LRP1B: variants seen among roughly 807,000 people sequenced by gnomAD.
LRP1B encodes the protein LDL receptor related protein 1B.
Under a neutral mutation model 556.6 loss-of-function variants are expected in LRP1B, and 217 were observed. The observed-to-expected ratio is 0.39, with a 90% CI of 0.35 to 0.44. The LOEUF (loss-of-function observed/expected upper bound fraction) is 0.44, where lower values mean the gene tolerates loss of function less well. LRP1B is among the 20% of genes least tolerant of loss of function. LRP1B has a pLI of 1.00. For synonymous variants in LRP1B, 2,047 were observed against 1,865.8 expected (o/e 1.10, Z -2.50); for missense variants, 5,053 against 5,620.8 (o/e 0.90, Z 3.23).
intron 2 of LRP1B, among the ~76,000 whole-genome samples, chr2:141,759,345 A>C (rs932839838): frequency 1.1e-4 from 16 of 152,184 alleles, no homozygotes; most frequent in Admixed American, 1.0e-3. Context: ...CAAAATAACG[A>C]TACAAAGGAA....
At chr2:141,468,298 G>A (rs777461428) in intron 3 of LRP1B, among the ~76,000 whole-genome samples, 4 of 152,194 alleles carry the variant, frequency 2.6e-5, no homozygotes, top group Non-Finnish European at 5.9e-5. Flanking sequence ...AGCATGACTA[G>A]TGCAAACCTC....
intron 17 of LRP1B, among the ~76,000 whole-genome samples, chr2:140,988,517 A>G (rs990821831): frequency 6.6e-6 from 1 of 152,062 alleles, no homozygotes; most frequent in African/African-American, 2.4e-5. Flanking sequence ...TACATAGGGA[A>G]AATCTGGAAA....
At chr2:140,328,568 CACTGTTTTTCAGA>C (rs1335507231) in intron 79 of LRP1B, among the ~76,000 whole-genome samples, 1 of 151,610 alleles carries the variant, frequency 6.6e-6, no homozygotes, top group African/African-American at 2.4e-5. Context: ...AAATTTAAAT[CACTGTTTTTCAGA>C]ACTAGAGAAA....
intron 41 of LRP1B, among the ~76,000 whole-genome samples, chr2:140,621,203 A>C (rs770239119): frequency 2.6e-5 from 4 of 151,504 alleles, no homozygotes; most frequent in Non-Finnish European, 5.9e-5. Context: ...AACACGGTGA[A>C]ACCCCATCTC....
At chr2:141,785,999 A>G (rs1695420862) in intron 2 of LRP1B, among the ~76,000 whole-genome samples, 1 of 151,930 alleles carries the variant, frequency 6.6e-6, no homozygotes, top group Non-Finnish European at 1.5e-5. Flanking sequence ...GTGAGCCACC[A>G]CATTATTGTT....
intron 43 of LRP1B, among the ~76,000 whole-genome samples, chr2:140,560,300 G>A (rs1290839097): frequency 6.6e-6 from 1 of 152,068 alleles, no homozygotes; most frequent in Non-Finnish European, 1.5e-5. Flanking sequence ...GTGTGATCCA[G>A]GATTTGACCC....
chr2:141,420,720 AGTTGTGC>A (rs1680104023), intron 3 of LRP1B, among the ~76,000 whole-genome samples: 2 of 152,246 alleles, frequency 1.3e-5, no homozygotes, highest in East Asian at 3.9e-4. Context: ...AGAATTCTCA[AGTTGTGC>A]TCATTAGCTG....
chr2:140,616,523 AG>A (rs1165872452), intron 41 of LRP1B, among the ~76,000 whole-genome samples: 1 of 151,160 alleles, frequency 6.6e-6, no homozygotes, highest in African/African-American at 2.4e-5. Flanking sequence ...AGTGAAAAAA[AG>A]TCAGTTTCTA....
At chr2:142,030,631 C>T (rs992371295) in intron 1 of LRP1B, among the ~76,000 whole-genome samples, 2 of 151,790 alleles carry the variant, frequency 1.3e-5, no homozygotes, top group African/African-American at 4.8e-5. Context: ...ATATTAAAAC[C>T]AGGGGCCCAG....
intron 41 of LRP1B, among the ~76,000 whole-genome samples, chr2:140,607,021 T>C (rs12476534): frequency 0.12 from 18,718 of 152,052 alleles, 1,210 homozygotes; most frequent in Middle Eastern, 0.17. Flanking sequence ...TGGGAGACAA[T>C]ATTTGCAAAT....
chr2:140,326,392 T>C (rs1680479554), intron 79 of LRP1B, among the ~76,000 whole-genome samples: 1 of 152,098 alleles, frequency 6.6e-6, no homozygotes, highest in Non-Finnish European at 1.5e-5. Context: ...GCCAACGGTG[T>C]TATCGGATAT....
chr2:140,840,440 G>T (rs892229688), intron 30 of LRP1B, among the ~76,000 whole-genome samples: 1 of 152,144 alleles, frequency 6.6e-6, no homozygotes, highest in African/African-American at 2.4e-5. Context: ...GCCATAGAGG[G>T]TAACAAACTC....
chr2:141,143,435 C>A (rs1400747499), intron 7 of LRP1B, among the ~76,000 whole-genome samples: 1 of 152,104 alleles, frequency 6.6e-6, no homozygotes, highest in East Asian at 1.9e-4. Context: ...ACATCATTCT[C>A]TGAAATAATC....
intron 8 of LRP1B, among the ~76,000 whole-genome samples, chr2:141,060,726 C>T (rs539806009): frequency 1.3e-5 from 2 of 151,882 alleles, no homozygotes; most frequent in South Asian, 4.1e-4. Context: ...TCCCTATCTT[C>T]CTTCAGAAAA....
At chr2:140,293,707 T>C (rs1245752792) in intron 84 of LRP1B, among the ~76,000 whole-genome samples, 1 of 152,182 alleles carries the variant, frequency 6.6e-6, no homozygotes, top group Non-Finnish European at 1.5e-5. Context: ...AAATTTATTA[T>C]GTTTTTGTCA....
At chr2:141,723,591 C>T (rs1159713864) in intron 2 of LRP1B, among the ~76,000 whole-genome samples, 1 of 151,596 alleles carries the variant, frequency 6.6e-6, no homozygotes, top group Non-Finnish European at 1.5e-5. Flanking sequence ...TTTGAGGTAA[C>T]TGTATATGTT....
At chr2:142,106,038 C>A (rs1477298060) in intron 1 of LRP1B, among the ~76,000 whole-genome samples, 1 of 152,192 alleles carries the variant, frequency 6.6e-6, no homozygotes, top group Non-Finnish European at 1.5e-5. Flanking sequence ...ACTCCCTGCT[C>A]TTCTCAAGCC....
intron 32 of LRP1B, among the ~76,000 whole-genome samples, chr2:140,785,300 A>G (rs1689856298): frequency 1.3e-5 from 2 of 152,172 alleles, no homozygotes; most frequent in African/African-American, 2.4e-5. Context: ...CACTACATCA[A>G]AGGAGTAAAC....
intron 59 of LRP1B, among the ~76,000 whole-genome samples, chr2:140,482,375 C>A (rs892964630): frequency 6.6e-6 from 1 of 152,026 alleles, no homozygotes; most frequent in African/African-American, 2.4e-5. Context: ...CTTAATTATA[C>A]AAAAAGATAA....
Sources: gnomAD v4.1 joint callset for allele counts (sites outside exome capture counted in the v4.1 genomes callset) on GRCh38, gnomAD v4.1.1 for gene constraint, MANE v1.5 for transcripts, NCBI Gene and HGNC (gene_info 2026-07-23, HGNC 2026-07-21) for gene names.